The following STAU2 variants were observed in gnomAD, a reference collection of about 807,000 sequenced individuals.
STAU2 encodes staufen double-stranded RNA binding protein 2, also known as double-stranded RNA-binding protein Staufen homolog 2.
A neutral mutation model predicts 65.9 loss-of-function variants in STAU2; 20 were observed. That is an observed-to-expected ratio of 0.30 (90% CI 0.21 to 0.44). STAU2 has a LOEUF of 0.44. Ranked by LOEUF, STAU2 falls within the 20% of genes least tolerant of loss-of-function variation. The pLI, the probability that STAU2 is intolerant of heterozygous loss-of-function variation, is 1.00. For missense variants in STAU2, 558 were observed against 683.9 expected, an observed-to-expected ratio of 0.82 and a Z score of 2.05; for synonymous variants, 232 against 233.9, an observed-to-expected ratio of 0.99 and a Z score of 0.07.
intron 12 of STAU2, among the ~76,000 whole-genome samples, chr8:73,574,551 A>G (rs1284602272): frequency 6.6e-6 from 1 of 152,242 alleles, no homozygotes; most frequent in Non-Finnish European, 1.5e-5. Context: ...TGTGGCACAT[A>G]TACACCATGG....
intron 13 of STAU2, among the ~76,000 whole-genome samples, chr8:73,429,588 A>C (rs528585968): frequency 1.3e-5 from 2 of 150,614 alleles, no homozygotes; most frequent in Admixed American, 6.6e-5. Flanking sequence ...AGGCACCACC[A>C]TACCTGGCTA....
intron 3 of STAU2, among the ~76,000 whole-genome samples, chr8:73,729,536 T>C (rs1030234819): frequency 1.3e-5 from 2 of 152,156 alleles, no homozygotes; most frequent in African/African-American, 2.4e-5. Context: ...AAATATTTGG[T>C]AGAATCCACC....
intron 11 of STAU2, among the ~76,000 whole-genome samples, chr8:73,584,025 T>C (rs1482854932): frequency 6.6e-6 from 1 of 152,214 alleles, no homozygotes; most frequent in African/African-American, 2.4e-5. Context: ...ATGTTCATTT[T>C]TAAAAAAAAG....
intron 13 of STAU2, among the ~76,000 whole-genome samples, chr8:73,441,774 G>A (rs16938659): frequency 2.6e-5 from 4 of 152,312 alleles, no homozygotes; most frequent in South Asian, 4.1e-4. Context: ...AGACTAATCC[G>A]TCTGGAGTAA....
At position 73,483,630 on chromosome 8, in the gene STAU2, T is replaced by C. The variant is rs190741515; in HGVS notation, c.1531-60928A>G. Reference sequence around the variant, plus strand: ...AACAAGAAGGACTGTATAAATGAACTGTCAGCATATATTACAACATTACAA... The same window carrying C: ...AACAAGAAGGACTGTATAAATGAACCGTCAGCATATATTACAACATTACAA... On this transcript the variant is annotated intron_variant, in intron 13 of 14. Transcript: ENST00000524300. Among the ~76,000 whole-genome samples the C allele has an allele frequency of 1.1e-4, 16 of 152,268 alleles. No homozygotes were observed. In the East Asian group the frequency reaches 2.9e-3, roughly 28 times the overall value.
At chr8:73,453,875 C>G (rs1818930361) in intron 13 of STAU2, among the ~76,000 whole-genome samples, 1 of 152,110 alleles carries the variant, frequency 6.6e-6, no homozygotes, top group South Asian at 2.1e-4. Context: ...GTGTAGCCCT[C>G]TCTCTGTGAG....
At chr8:73,448,859 G>T (rs988258847) in intron 13 of STAU2, among the ~76,000 whole-genome samples, 1 of 152,252 alleles carries the variant, frequency 6.6e-6, no homozygotes, top group Admixed American at 6.5e-5. Flanking sequence ...GTGGACAGCC[G>T]GTCCCTGCCG....
intron 12 of STAU2, among the ~76,000 whole-genome samples, chr8:73,552,862 G>A (rs1247910577): frequency 6.6e-6 from 1 of 152,116 alleles, no homozygotes; most frequent in African/African-American, 2.4e-5. Flanking sequence ...AAAAGCAAAT[G>A]GGTATCATCT....
At chr8:73,666,529 A>T (rs1397819287) in intron 6 of STAU2, among the ~76,000 whole-genome samples, 1 of 152,230 alleles carries the variant, frequency 6.6e-6, no homozygotes, top group South Asian at 2.1e-4. Context: ...AACAAGTAAC[A>T]TTCAGGCAAA....
At chr8:73,678,669 A>C (rs1200484224) in intron 5 of STAU2, among the ~76,000 whole-genome samples, 1 of 152,260 alleles carries the variant, frequency 6.6e-6, no homozygotes, top group Non-Finnish European at 1.5e-5. Flanking sequence ...GCAAGTGTTA[A>C]ATATATCATG....
intron 11 of STAU2, among the ~76,000 whole-genome samples, chr8:73,585,608 A>T (rs972967316): frequency 6.6e-6 from 1 of 152,222 alleles, no homozygotes; most frequent in Non-Finnish European, 1.5e-5. Flanking sequence ...AGAGGTCAGG[A>T]GAGATGAGGT....
chr8:73,490,472 A>C (rs996282170), intron 13 of STAU2, among the ~76,000 whole-genome samples: 5 of 152,036 alleles, frequency 3.3e-5, no homozygotes, highest in African/African-American at 1.2e-4. Flanking sequence ...AACTTGTAAA[A>C]CTACACTTAA....
chr8:73,669,665 C>G (rs1242676592), intron 6 of STAU2, among the ~76,000 whole-genome samples: 1 of 151,764 alleles, frequency 6.6e-6, no homozygotes, highest in African/African-American at 2.4e-5. Flanking sequence ...CTCTCTCTCT[C>G]TCTCTCAACA....
intron 3 of STAU2, among the ~76,000 whole-genome samples, chr8:73,713,772 A>T (rs1821055417): frequency 1.3e-5 from 2 of 152,218 alleles, no homozygotes; most frequent in African/African-American, 4.8e-5. Flanking sequence ...AACTTAAAGT[A>T]GCATTTTTTA....
Position 73,740,585 on chromosome 8 carries a change from A to G in STAU2, c.-196-717T>C, listed in dbSNP as rs564692877. 3.2e-4 allele frequency among the ~76,000 whole-genome samples: 48 copies of G among 152,356 alleles called. No individual in the cohort carries two copies. The South Asian group carries it at 9.5e-3, about 30-fold the overall frequency. Reference sequence around the variant, plus strand: ...ATCTCATTAAAAAAATACACTAGCTATAACTTAAAATACAAACACAACCAA... The same window carrying G: ...ATCTCATTAAAAAAATACACTAGCTGTAACTTAAAATACAAACACAACCAA... On this transcript the variant is annotated intron_variant, in intron 1 of 14. Coordinates refer to ENST00000524300, the MANE Select transcript of STAU2 (RefSeq NM_001164380.2).
chr8:73,695,819 G>A (rs537004650), intron 4 of STAU2, among the ~76,000 whole-genome samples: 1 of 152,172 alleles, frequency 6.6e-6, no homozygotes, highest in Non-Finnish European at 1.5e-5. Context: ...GAGGGATTTT[G>A]TATTATGGAT....
At chr8:73,546,148 G>GTTTT (rs1563412799) in intron 13 of STAU2, among the ~76,000 whole-genome samples, 783 of 116,258 alleles carry the variant, frequency 6.7e-3, no homozygotes, top group Non-Finnish European at 1.0e-2. Flanking sequence ...TTTTTTTTTG[G>GTTTT]TAGAGACAGA....
At chr8:73,448,987 G>C (rs1818639001) in intron 13 of STAU2, among the ~76,000 whole-genome samples, 1 of 152,220 alleles carries the variant, frequency 6.6e-6, no homozygotes. Flanking sequence ...CTTCCTGGAC[G>C]AGGGGCAGCC....
intron 11 of STAU2, chr8:73,590,457 C>T (rs1810691481): frequency 6.6e-6 from 1 of 152,016 alleles, no homozygotes; most frequent in Admixed American, 6.6e-5. Flanking sequence ...AAACAGGAAA[C>T]CCAGAATCCT....
Sources: allele counts gnomAD v4.1 joint callset (sites outside exome capture counted in the v4.1 genomes callset), GRCh38; gene constraint gnomAD v4.1.1; transcripts MANE v1.5; gene names NCBI Gene and HGNC (gene_info 2026-07-23, HGNC 2026-07-21).